The following NFIA variants were observed in gnomAD, a reference collection of about 807,000 sequenced individuals.
NFIA encodes nuclear factor I A.
Under a neutral mutation model 62.8 loss-of-function variants are expected in NFIA, and 8 were observed. The observed-to-expected ratio is 0.13, with a 90% CI of 0.07 to 0.23. The LOEUF (loss-of-function observed/expected upper bound fraction) is 0.23, where lower values mean the gene tolerates loss of function less well. Ranked by LOEUF, NFIA falls within the 10% of genes least tolerant of loss-of-function variation. The probability of loss-of-function intolerance (pLI) is 1.00; values close to 1 mark genes in which losing one functional copy is unlikely to be tolerated. For synonymous variants in NFIA, 235 were observed against 238.1 expected (o/e 0.99, Z 0.12); for missense variants, 410 against 642.1 (o/e 0.64, Z 3.91).
chr1:61,235,306 C>CA (rs912833539), intron 2 of NFIA, among the ~76,000 whole-genome samples: 6 of 151,416 alleles, frequency 4.0e-5, no homozygotes, highest in East Asian at 1.9e-4. Context: ...ACTAAAAATA[C>CA]AAAAAAATTA....
Position 61,425,869 on chromosome 1 carries a change from A to G in NFIA, c.1421-596A>G, listed in dbSNP as rs567721768. ...TGGGAAGACTACAAATGTTAATATGAAAAGCATATTTTGTGCATCATAAAG... is the reference window on the plus strand; with the variant it reads ...TGGGAAGACTACAAATGTTAATATGGAAAGCATATTTTGTGCATCATAAAG... On this transcript the variant is annotated intron_variant, in intron 9 of 10. Transcript: ENST00000403491. Among the ~76,000 whole-genome samples, 12 of 152,350 alleles carry G rather than the reference A, an allele frequency of 7.9e-5. No individual in the cohort carries two copies. The South Asian group carries it at 2.5e-3, about 32-fold the overall frequency.
intron 5 of NFIA, among the ~76,000 whole-genome samples, chr1:61,356,147 T>C (rs7556462): frequency 0.43 from 65,589 of 152,002 alleles, 15,277 homozygotes; most frequent in East Asian, 0.66. Flanking sequence ...TATGGCTGTT[T>C]CTAAGTCAGT....
chr1:61,326,916 A>G (rs58020890), intron 3 of NFIA, among the ~76,000 whole-genome samples: 13,540 of 152,000 alleles, frequency 0.089, 819 homozygotes, highest in East Asian at 0.19. Flanking sequence ...TAGGGCCAGA[A>G]GTGAGAGAGA....
chr1:61,096,544 G>GTTT (rs1570141914), intron 2 of NFIA, among the ~76,000 whole-genome samples: 1 of 121,914 alleles, frequency 8.2e-6, no homozygotes, highest in African/African-American at 3.4e-5. Context: ...GTCAAGATTA[G>GTTT]TTCTTTTTTT....
At chr1:61,342,233 G>T (rs1462007340) in intron 4 of NFIA, among the ~76,000 whole-genome samples, 1 of 152,072 alleles carries the variant, frequency 6.6e-6, no homozygotes, top group Non-Finnish European at 1.5e-5. Flanking sequence ...TCAGTTGTTG[G>T]GATGGGACTC....
At position 61,414,022 on chromosome 1, in the gene NFIA, A is replaced by G. The variant is rs560351103; in HGVS notation, c.1420+7295A>G. ...TTCTGCAACAGAGTCTTGTTCTGTC[A>G]CCCAGGCTGGAGTGCAGTGGCGCAA... On this transcript the variant is annotated intron_variant, in intron 9 of 10. Coordinates refer to ENST00000403491, the MANE Select transcript of NFIA (RefSeq NM_001134673.4). Among the ~76,000 whole-genome samples, 54 of 151,548 alleles carry G rather than the reference A, an allele frequency of 3.6e-4. No homozygotes were observed. In the Middle Eastern group the frequency reaches 0.01, roughly 29 times the overall value.
At chr1:61,108,103 A>C (rs1326883768) in intron 2 of NFIA, among the ~76,000 whole-genome samples, 2 of 151,660 alleles carry the variant, frequency 1.3e-5, no homozygotes, top group Non-Finnish European at 3.0e-5. Context: ...TTTTGAAATA[A>C]ATTTTTTAGT....
chr1:61,216,257 C>T (rs1653617174), intron 2 of NFIA, among the ~76,000 whole-genome samples: 1 of 152,106 alleles, frequency 6.6e-6, no homozygotes. Flanking sequence ...TCATCTTTGC[C>T]TGGAAGATGC....
At chr1:61,128,282 C>G (rs916006701) in intron 2 of NFIA, among the ~76,000 whole-genome samples, 4 of 152,032 alleles carry the variant, frequency 2.6e-5, no homozygotes, top group African/African-American at 9.6e-5. Flanking sequence ...GGAGGAAGAA[C>G]AGTGGACCGC....
chr1:61,093,821 T>C (rs1646365461), intron 2 of NFIA, among the ~76,000 whole-genome samples: 1 of 152,214 alleles, frequency 6.6e-6, no homozygotes, highest in South Asian at 2.1e-4. Flanking sequence ...GGCTTGGATT[T>C]TCCTTGTCTT....
At chr1:61,366,902 G>A (rs1406958682) in intron 6 of NFIA, among the ~76,000 whole-genome samples, 1 of 152,154 alleles carries the variant, frequency 6.6e-6, no homozygotes, top group Non-Finnish European at 1.5e-5. Flanking sequence ...CAGTCTGGGC[G>A]ACAAGAACAA....
intron 2 of NFIA, among the ~76,000 whole-genome samples, chr1:61,164,543 T>C (rs1212768479): frequency 6.6e-6 from 1 of 152,144 alleles, no homozygotes; most frequent in African/African-American, 2.4e-5. Flanking sequence ...CACTGCAAGC[T>C]CTGCTTCCTG....
intron 2 of NFIA, among the ~76,000 whole-genome samples, chr1:61,175,156 T>TTATTA (rs1345381826): frequency 1.3e-5 from 2 of 148,464 alleles, no homozygotes; most frequent in East Asian, 4.5e-4. Context: ...TATTATTATT[T>TTATTA]TTTGAGACAG....
chr1:61,359,882 C>T (rs927520578), intron 6 of NFIA, among the ~76,000 whole-genome samples: 1 of 152,176 alleles, frequency 6.6e-6, no homozygotes, highest in Non-Finnish European at 1.5e-5. Context: ...TCACCCACCT[C>T]GGCCTCCCAA....
intron 3 of NFIA, among the ~76,000 whole-genome samples, chr1:61,297,291 C>G (rs1659238763): frequency 6.6e-6 from 1 of 152,130 alleles, no homozygotes; most frequent in African/African-American, 2.4e-5. Flanking sequence ...GGTTTCTTCC[C>G]TATCTTCCAC....
At chr1:61,169,139 A>G (rs1649775984) in intron 2 of NFIA, among the ~76,000 whole-genome samples, 1 of 152,140 alleles carries the variant, frequency 6.6e-6, no homozygotes, top group Non-Finnish European at 1.5e-5. Context: ...AAAAAAAGTC[A>G]TTTTAGTGGA....
chr1:61,095,275 T>G (rs1646390725), intron 2 of NFIA, among the ~76,000 whole-genome samples: 1 of 152,206 alleles, frequency 6.6e-6, no homozygotes, highest in Admixed American at 6.5e-5. Flanking sequence ...AGGCACTGAG[T>G]AAGGTTTGTC....
At chr1:61,128,565 C>T (rs550478917) in intron 2 of NFIA, among the ~76,000 whole-genome samples, 2 of 152,154 alleles carry the variant, frequency 1.3e-5, no homozygotes, top group South Asian at 2.1e-4. Context: ...TGTACCCCAA[C>T]CTGGGTGACA....
At chr1:61,387,248 G>A (rs1664739774) in intron 7 of NFIA, among the ~76,000 whole-genome samples, 1 of 152,130 alleles carries the variant, frequency 6.6e-6, no homozygotes, top group South Asian at 2.1e-4. Flanking sequence ...TCATCTCTAA[G>A]TTAGAGATTA....
Sources: allele counts gnomAD v4.1 joint callset (sites outside exome capture counted in the v4.1 genomes callset), GRCh38; gene constraint gnomAD v4.1.1; transcripts MANE v1.5; gene names NCBI Gene and HGNC (gene_info 2026-07-23, HGNC 2026-07-21).